Variants in SLC38A12 observed in about 807,000 individuals in gnomAD.
The protein encoded by SLC38A12 is putative sodium-coupled neutral amino acid transporter 12.
At chr17:74,807,286 G>A in the SLC38A12 span, among the ~76,000 whole-genome samples, 21 of 152,148 alleles carry the variant, frequency 1.4e-4, no homozygotes, top group Admixed American at 3.3e-4. Flanking sequence ...TGATTATTCC[G>A]TTCCTTGACC....
At chr17:74,777,395 C>A in the SLC38A12 span, 4 of 1,614,120 alleles carry the variant, frequency 2.5e-6, no homozygotes, top group East Asian at 2.2e-5. Flanking sequence ...ACTTATAGAA[C>A]CTTTTGCTCA....
the SLC38A12 span, among the ~76,000 whole-genome samples, chr17:74,818,671 C>T: frequency 6.6e-6 from 1 of 152,348 alleles, no homozygotes; most frequent in South Asian, 2.1e-4. Context: ...TCCCCACATT[C>T]GTTCAGGCTT....
At chr17:74,781,319 A>C in the SLC38A12 span, among the ~76,000 whole-genome samples, 2 of 151,914 alleles carry the variant, frequency 1.3e-5, no homozygotes, top group Non-Finnish European at 2.9e-5. Flanking sequence ...TTTTCTTAAG[A>C]CAGGGTCTCA....
the SLC38A12 span, chr17:74,790,339 C>T: frequency 6.4e-6 from 10 of 1,563,604 alleles, no homozygotes; most frequent in East Asian, 2.2e-5. Context: ...CCCTCCGGGC[C>T]ACAGGGTTCC....
At chr17:74,828,915 A>G in the SLC38A12 span, among the ~76,000 whole-genome samples, 1 of 152,118 alleles carries the variant, frequency 6.6e-6, no homozygotes, top group East Asian at 1.9e-4. Context: ...GCACACATCC[A>G]CACAGCCCAT....
the SLC38A12 span, among the ~76,000 whole-genome samples, chr17:74,832,924 C>CTAATCTAGG: frequency 6.6e-6 from 1 of 152,224 alleles, no homozygotes; most frequent in Non-Finnish European, 1.5e-5. Context: ...AAATGGGTGA[C>CTAATCTAGG]TAATCTAGGT....
chr17:74,811,286 C>CACT, the SLC38A12 span, among the ~76,000 whole-genome samples: 6 of 151,946 alleles, frequency 3.9e-5, no homozygotes, highest in African/African-American at 1.5e-4. Flanking sequence ...ATCATGATCA[C>CACT]ACTACTGCAC....
At chr17:74,795,481 G>A in the SLC38A12 span, 23 of 1,576,178 alleles carry the variant, frequency 1.5e-5, no homozygotes, top group Non-Finnish European at 2.0e-5. Context: ...GCCCAGCCAG[G>A]CGGCCTCGCT....
the SLC38A12 span, chr17:74,788,917 G>C: frequency 1.9e-6 from 3 of 1,565,010 alleles, no homozygotes; most frequent in Non-Finnish European, 2.6e-6. Context: ...GTTCCGTCAG[G>C]TACCCAGCAG....
the SLC38A12 span, among the ~76,000 whole-genome samples, chr17:74,792,879 C>A: frequency 6.6e-6 from 1 of 152,192 alleles, no homozygotes. Flanking sequence ...CCATCCCTCC[C>A]GTCTCACCAG....
chr17:74,812,733 G>T, the SLC38A12 span, among the ~76,000 whole-genome samples: 1 of 152,188 alleles, frequency 6.6e-6, no homozygotes, highest in African/African-American at 2.4e-5. Context: ...AGGTCTCTGT[G>T]CGTTTAAGGT....
chr17:74,806,519 G>T, the SLC38A12 span, among the ~76,000 whole-genome samples: 1 of 152,152 alleles, frequency 6.6e-6, no homozygotes, highest in African/African-American at 2.4e-5. Flanking sequence ...GAGGAGTTTT[G>T]GTCCTTGGAT....
chr17:74,781,866 G>A, the SLC38A12 span, among the ~76,000 whole-genome samples: 1 of 152,198 alleles, frequency 6.6e-6, no homozygotes, highest in Non-Finnish European at 1.5e-5. Flanking sequence ...TGCCCGGCTT[G>A]CTGTGCTTCA....
At chr17:74,830,757 T>C in the SLC38A12 span, among the ~76,000 whole-genome samples, 98 of 152,218 alleles carry the variant, frequency 6.4e-4, no homozygotes, top group Non-Finnish European at 1.3e-3. Context: ...CTCGTGCCTG[T>C]TTTATCTCAG....
At chr17:74,800,421 T>G in the SLC38A12 span, among the ~76,000 whole-genome samples, 1 of 152,260 alleles carries the variant, frequency 6.6e-6, no homozygotes, top group Non-Finnish European at 1.5e-5. Flanking sequence ...TAGAATTAAG[T>G]GCCTCTTCCC....
chr17:74,801,172 C>T, the SLC38A12 span, among the ~76,000 whole-genome samples: 1 of 152,242 alleles, frequency 6.6e-6, no homozygotes, highest in Non-Finnish European at 1.5e-5. Flanking sequence ...TCTCTCCTTT[C>T]CTTTTCTTCT....
the SLC38A12 span, among the ~76,000 whole-genome samples, chr17:74,812,645 T>G: frequency 3.3e-5 from 5 of 152,106 alleles, no homozygotes; most frequent in East Asian, 9.7e-4. Flanking sequence ...GTGCGATTTG[T>G]GCGCTCCGCC....
the SLC38A12 span, chr17:74,785,461 T>C: frequency 6.2e-7 from 1 of 1,605,242 alleles, no homozygotes; most frequent in African/African-American, 1.3e-5. Context: ...CGGGCTTGAA[T>C]GTTGCCTCTG....
At chr17:74,837,027 A>C in the SLC38A12 span, 1 of 1,091,938 alleles carries the variant, frequency 9.2e-7, no homozygotes, top group Admixed American at 5.0e-5. Context: ...TACTCCCTGC[A>C]CAATGGGAGA....
Sources: gnomAD v4.1 joint callset for allele counts (sites outside exome capture counted in the v4.1 genomes callset) on GRCh38, gnomAD v4.1.1 for gene constraint, MANE v1.5 for transcripts, NCBI Gene and HGNC (gene_info 2026-07-23, HGNC 2026-07-21) for gene names.